The following LRFN5 variants were observed in gnomAD, a reference collection of about 807,000 sequenced individuals.
LRFN5 encodes leucine-rich repeat and fibronectin type-III domain-containing protein 5.
In LRFN5, 24 loss-of-function variants were observed where a neutral mutation model predicts 45.6. That is an observed-to-expected ratio of 0.53 (90% CI 0.38 to 0.74). LRFN5 has a LOEUF of 0.74. Ranked by LOEUF, LRFN5 falls within the 30% of genes least tolerant of loss-of-function variation. LRFN5 has a pLI of 0.00. For synonymous variants in LRFN5, 340 were observed against 313.8 expected (o/e 1.08, Z -0.88); for missense variants, 776 against 861.5 (o/e 0.90, Z 1.24).
Position 41,904,404 on chromosome 14 carries a change from ATT to A in LRFN5, c.*238_*239del. The A allele has an allele frequency of 7.0e-6, 3 of 428,494 alleles. No individual in the cohort carries two copies. The highest frequency in any genetic ancestry group is 1.2e-5 in the Non-Finnish European group (3 of 243,150). 26.5% of individuals were successfully genotyped at this position (428,494 alleles called of 1,614,324 possible). ...TTTTTTTTTCTTCTGGCCTACAAGTATTTTTTTTTTAAAAAAGAAAAAAAGCC... is the reference window on the plus strand; with the variant it reads ...TTTTTTTTTCTTCTGGCCTACAAGTATTTTTTTTAAAAAAGAAAAAAAGCC... On this transcript the variant is annotated 3_prime_UTR_variant, in exon 6 of 6. Transcript: ENST00000298119.
At chr14:41,902,105 T>A (rs1891119635) in intron 5 of LRFN5, among the ~76,000 whole-genome samples, 1 of 151,892 alleles carries the variant, frequency 6.6e-6, no homozygotes, top group Non-Finnish European at 1.5e-5. Context: ...CAGTAATAAA[T>A]CTTTTCCCAC....
At chr14:41,709,121 G>GT (rs1883185796) in intron 1 of LRFN5, among the ~76,000 whole-genome samples, 1 of 151,944 alleles carries the variant, frequency 6.6e-6, no homozygotes, top group African/African-American at 2.4e-5. Context: ...TCATGTAACT[G>GT]TAAGTTTGAT....
intron 1 of LRFN5, among the ~76,000 whole-genome samples, chr14:41,657,742 G>A (rs1176709693): frequency 6.6e-6 from 1 of 151,814 alleles, no homozygotes; most frequent in South Asian, 2.1e-4. Flanking sequence ...TCTTATTAAA[G>A]GCATGAAATT....
intron 1 of LRFN5, among the ~76,000 whole-genome samples, chr14:41,652,202 TAATA>T (rs1242666020): frequency 2.0e-5 from 3 of 152,096 alleles, no homozygotes; most frequent in African/African-American, 4.8e-5. Flanking sequence ...GCATAAATAT[TAATA>T]AATTATTGAA....
At chr14:41,798,667 G>C (rs1290469097) in intron 2 of LRFN5, among the ~76,000 whole-genome samples, 1 of 151,974 alleles carries the variant, frequency 6.6e-6, no homozygotes, top group Non-Finnish European at 1.5e-5. Context: ...TCTTGTATTA[G>C]TTTGTAATGA....
intron 1 of LRFN5, among the ~76,000 whole-genome samples, chr14:41,611,767 T>G (rs928162106): frequency 1.3e-5 from 2 of 152,204 alleles, no homozygotes; most frequent in Non-Finnish European, 2.9e-5. Context: ...ATGAGATTCC[T>G]GTGCTGGTGT....
chr14:41,719,375 G>A (rs980219614), intron 1 of LRFN5, among the ~76,000 whole-genome samples: 1 of 151,966 alleles, frequency 6.6e-6, no homozygotes, highest in Non-Finnish European at 1.5e-5. Flanking sequence ...ATATAAAAAT[G>A]ATGACTACTG....
intron 2 of LRFN5, among the ~76,000 whole-genome samples, chr14:41,850,412 G>T (rs889027390): frequency 2.6e-5 from 4 of 151,520 alleles, no homozygotes; most frequent in African/African-American, 9.7e-5. Context: ...CTGCATCTAA[G>T]AAACATAGTC....
intron 1 of LRFN5, among the ~76,000 whole-genome samples, chr14:41,703,805 A>T (rs1241801280): frequency 6.6e-6 from 1 of 152,120 alleles, no homozygotes; most frequent in African/African-American, 2.4e-5. Context: ...TATCAGCATT[A>T]TTGTAACAAT....
At chr14:41,829,433 G>A (rs8009537) in intron 2 of LRFN5, among the ~76,000 whole-genome samples, 111,187 of 151,826 alleles carry the variant, frequency 0.73, 41,295 homozygotes, top group African/African-American at 0.86. Flanking sequence ...TTTTTAAATA[G>A]AATTTATGAT....
In LRFN5 at chr14:41,859,347, T is replaced by A. The variant is rs538885164; in HGVS notation, c.-20-27259T>A. On this transcript the variant is annotated intron_variant, in intron 2 of 5. Coordinates refer to ENST00000298119, the MANE Select transcript of LRFN5 (RefSeq NM_152447.5). ...TTATTCACTTTCTATGTTCCCTGTC[T>A]ACAAATTCAGCTATCTCCAAATACA... 2.0e-5 allele frequency among the ~76,000 whole-genome samples: 3 copies of A among 152,348 alleles called. No individual in the cohort carries two copies. The East Asian group carries it at 5.8e-4, about 29-fold the overall frequency.
At chr14:41,719,476 A>G (rs572293381) in intron 1 of LRFN5, among the ~76,000 whole-genome samples, 4 of 151,974 alleles carry the variant, frequency 2.6e-5, no homozygotes, top group South Asian at 4.1e-4. Context: ...TCCTATTGTA[A>G]TAGTTATTAT....
intron 1 of LRFN5, among the ~76,000 whole-genome samples, chr14:41,695,237 G>A (rs963905747): frequency 6.6e-6 from 1 of 151,898 alleles, no homozygotes; most frequent in African/African-American, 2.4e-5. Flanking sequence ...CAGAAGAGAA[G>A]TTTGAAGCTA....
At chr14:41,701,483 C>T (rs2138725568) in intron 1 of LRFN5, 1 of 152,224 alleles carries the variant, frequency 6.6e-6, no homozygotes, top group Admixed American at 6.5e-5. Flanking sequence ...TCTCTTGGGA[C>T]AGAATACCTC....
intron 2 of LRFN5, among the ~76,000 whole-genome samples, chr14:41,829,788 G>GTAA (rs1377610205): frequency 1.3e-5 from 2 of 150,086 alleles, no homozygotes; most frequent in African/African-American, 4.9e-5. Flanking sequence ...CCTTTTTTTA[G>GTAA]TAATACTTTT....
intron 2 of LRFN5, among the ~76,000 whole-genome samples, chr14:41,821,854 C>T (rs184706078): frequency 0.011 from 1,707 of 151,482 alleles, 12 homozygotes; most frequent in Admixed American, 0.019. Context: ...TATTTGTCTA[C>T]TCAAGTTTTC....
intron 2 of LRFN5, among the ~76,000 whole-genome samples, chr14:41,813,692 C>T (rs1032456903): frequency 3.3e-5 from 5 of 152,104 alleles, no homozygotes; most frequent in African/African-American, 1.2e-4. Flanking sequence ...ATTTATAAAA[C>T]CTTGGCTATA....
chr14:41,694,291 A>T (rs1383696869), intron 1 of LRFN5, among the ~76,000 whole-genome samples: 2 of 151,898 alleles, frequency 1.3e-5, no homozygotes, highest in Admixed American at 6.6e-5. Context: ...TATTCCTTCT[A>T]TCTAGCTGAA....
intron 4 of LRFN5, chr14:41,892,232 C>T: frequency 1.0e-6 from 1 of 984,962 alleles, no homozygotes; most frequent in Non-Finnish European, 1.2e-6. Flanking sequence ...TGAGAACTCA[C>T]ATAGAAGATT....
Sources: gnomAD v4.1 joint callset for allele counts (sites outside exome capture counted in the v4.1 genomes callset) on GRCh38, gnomAD v4.1.1 for gene constraint, MANE v1.5 for transcripts, NCBI Gene and HGNC (gene_info 2026-07-23, HGNC 2026-07-21) for gene names.